EFCAB8: variants seen among roughly 807,000 people sequenced by gnomAD.
EFCAB8 encodes the protein EF-hand calcium binding domain 8.
Under a neutral mutation model 116.3 loss-of-function variants are expected in EFCAB8, and 100 were observed. That is an observed-to-expected ratio of 0.86 (90% CI 0.73 to 1.02). EFCAB8 has a LOEUF of 1.02. Among genes scored for constraint, EFCAB8 ranks in the 50% least tolerant of loss-of-function variants. EFCAB8 has a pLI of 0.00. For synonymous variants in EFCAB8, 558 were observed against 567.9 expected, an observed-to-expected ratio of 0.98 and a Z score of 0.25; for missense variants, 1,320 against 1,416.9, an observed-to-expected ratio of 0.93 and a Z score of 1.10.
At chr20:32,869,772 T>A (rs1984599346) in intron 3 of EFCAB8, among the ~76,000 whole-genome samples, 1 of 152,210 alleles carries the variant, frequency 6.6e-6, no homozygotes, top group African/African-American at 2.4e-5. Context: ...ACTATATATG[T>A]AATTTCAGAC....
At chr20:32,878,906 T>A in intron 5 of EFCAB8, 99 bp downstream of exon 5, 2 of 1,041,842 alleles carry the variant, frequency 1.9e-6, no homozygotes, top group South Asian at 1.4e-5. Flanking sequence ...ACCTTGCTGG[T>A]GCTGACCAGG....
At chr20:32,948,104 A>G (rs1600463557) in intron 23 of EFCAB8, among the ~76,000 whole-genome samples, 2 of 152,282 alleles carry the variant, frequency 1.3e-5, no homozygotes, top group East Asian at 3.9e-4. Flanking sequence ...TGGGCAGGAA[A>G]AAGAGAGAGA....
At position 32,898,635 on chromosome 20, in the gene EFCAB8, T is replaced by G. The variant is rs749181865; in HGVS notation, c.1088+12T>G. 5.6e-5 allele frequency: 40 copies of G among 718,150 alleles called. 1 individual carries two copies. In the South Asian group the frequency reaches 5.9e-4, roughly 11 times the overall value. The allele number at this position is 718,150 out of a possible 1,614,324, so 44.5% of individuals were successfully genotyped here. On this transcript the variant is annotated intron_variant, in intron 11 of 26. Coordinates refer to ENST00000400522, the MANE Select transcript of EFCAB8 (RefSeq NM_001143967.2). The stretch of plus-strand genomic sequence containing the variant: ...TCTAAGAAACCCAGGTAAGAAGTGC[T>G]TCTCTCCTGGCTAAGGCGGTGGGGC...
intron 23 of EFCAB8, among the ~76,000 whole-genome samples, chr20:32,951,868 G>A (rs1037333491): frequency 5.9e-5 from 9 of 152,114 alleles, no homozygotes; most frequent in African/African-American, 1.7e-4. Context: ...TTTTGAGAAT[G>A]CTTTATTCTG....
chr20:32,907,023 T>G, intron 13 of EFCAB8, 29 bp downstream of exon 13: 1 of 1,480,576 alleles, frequency 6.8e-7, no homozygotes, highest in Non-Finnish European at 9.0e-7. Context: ...CCTGACTCCT[T>G]CTGTTCCTCA....
At chr20:32,890,479 C>T (rs1985857150) in intron 7 of EFCAB8, among the ~76,000 whole-genome samples, 1 of 129,306 alleles carries the variant, frequency 7.7e-6, no homozygotes, top group African/African-American at 2.9e-5. Flanking sequence ...GCACATGTCT[C>T]CTCCTCCAGA....
At chr20:32,867,198 G>T (rs1161630524) in intron 2 of EFCAB8, among the ~76,000 whole-genome samples, 1 of 152,182 alleles carries the variant, frequency 6.6e-6, no homozygotes, top group Non-Finnish European at 1.5e-5. Flanking sequence ...GGGATTATGG[G>T]CATGAGCCAC....
chr20:32,958,219 A>G (rs945990728), intron 23 of EFCAB8, among the ~76,000 whole-genome samples: 10 of 152,078 alleles, frequency 6.6e-5, no homozygotes, highest in Non-Finnish European at 1.0e-4. Flanking sequence ...AGTGTGTCCT[A>G]GGGCTTCTGT....
intron 23 of EFCAB8, among the ~76,000 whole-genome samples, chr20:32,947,103 A>G (rs1988618797): frequency 6.6e-6 from 1 of 152,130 alleles, no homozygotes; most frequent in African/African-American, 2.4e-5. Context: ...CATTGTTTTC[A>G]TTTCTGTTGG....
At chr20:32,919,460 A>G (rs1664560504) in intron 19 of EFCAB8, among the ~76,000 whole-genome samples, 1 of 152,120 alleles carries the variant, frequency 6.6e-6, no homozygotes, top group Non-Finnish European at 1.5e-5. Context: ...TCTTCTAGGG[A>G]AATGGGTGCA....
chr20:32,868,350 A>T (rs1600360748), intron 3 of EFCAB8, among the ~76,000 whole-genome samples: 2 of 152,316 alleles, frequency 1.3e-5, no homozygotes, highest in South Asian at 4.1e-4. Context: ...GGTGTGAGCC[A>T]CTGTGCCCAA....
chr20:32,927,149 GA>G (rs1444317933), intron 20 of EFCAB8, among the ~76,000 whole-genome samples: 3 of 152,004 alleles, frequency 2.0e-5, no homozygotes, highest in Middle Eastern at 3.2e-3. Context: ...TTTAGAATGA[GA>G]AAAAAGTGTC....
chr20:32,893,436 G>A, intron 9 of EFCAB8, 138 bp downstream of exon 9: 4 of 1,292,734 alleles, frequency 3.1e-6, no homozygotes, highest in Non-Finnish European at 4.2e-6. Context: ...TCCAAGCGCA[G>A]GGTGCATGCC....
At chr20:32,912,300 G>A (rs1986966216) in intron 16 of EFCAB8, among the ~76,000 whole-genome samples, 1 of 152,034 alleles carries the variant, frequency 6.6e-6, no homozygotes, top group Non-Finnish European at 1.5e-5. Context: ...AATTAGCCAG[G>A]CGTGGTGGTG....
At position 32,939,104 on chromosome 20, in the gene EFCAB8, CCTTTCTTTCTCT is replaced by C. The variant is rs1422336900; in HGVS notation, c.2791-4519_2791-4508del. Among the ~76,000 whole-genome samples the C allele has an allele frequency of 1.2e-4, 15 of 129,106 alleles. 2 individuals carry two copies. The highest frequency in any genetic ancestry group is 9.6e-4 in the East Asian group (4 of 4,182). The allele number at this position is 129,106 out of a possible 152,430, so 84.7% of individuals were successfully genotyped here. ...TCTTTCTTTTTTCTTTTCCTTCCTT[CCTTTCTTTCTCT>C]CTTTCTTTCTCTTTCTTTCTTTCTT... On this transcript the variant is annotated intron_variant, in intron 22 of 26. Transcript: ENST00000400522.
At chr20:32,872,948 C>G (rs575040904) in intron 3 of EFCAB8, among the ~76,000 whole-genome samples, 1 of 151,168 alleles carries the variant, frequency 6.6e-6, no homozygotes, top group Non-Finnish European at 1.5e-5. Context: ...AAAAATTAGC[C>G]GAGTGTGATG....
At chr20:32,898,374 G>C in intron 10 of EFCAB8, 119 bp from the exon 11 acceptor site, 1 of 609,960 alleles carries the variant, frequency 1.6e-6, no homozygotes, top group Non-Finnish European at 3.0e-6. Context: ...CTAGGAGAAG[G>C]GCATTAGACT....
chr20:32,947,062 T>A (rs1268630130), intron 23 of EFCAB8, among the ~76,000 whole-genome samples: 2 of 152,216 alleles, frequency 1.3e-5, no homozygotes, highest in African/African-American at 4.8e-5. Context: ...CATTGTCAGT[T>A]TTGGATGATT....
Position 32,920,112 on chromosome 20 carries a change from C to T in EFCAB8, c.2309C>T (p.Ser770Leu). The T allele has an allele frequency of 1.3e-6, 2 of 1,551,716 alleles. No individual in the cohort carries two copies. The highest frequency in any genetic ancestry group is 1.7e-6 in the Non-Finnish European group (2 of 1,147,010). ...AGTGCTTCTGGCACATCCAGGCAGT[C>T]AAGCAAGATCCACAGCAAACAGTCC... ...PSSASGTSRQ[S>L]SKIHSKQSIY... The change falls in exon 20 of 27, where the codon TCA becomes TTA. Residue 770 changes from serine to leucine, a missense_variant. Transcript: ENST00000400522.
Sources: allele counts gnomAD v4.1 joint callset (sites outside exome capture counted in the v4.1 genomes callset), GRCh38; gene constraint gnomAD v4.1.1; transcripts MANE v1.5; gene names NCBI Gene and HGNC (gene_info 2026-07-23, HGNC 2026-07-21).